The following ADAM23 variants were observed in gnomAD, a reference collection of about 807,000 sequenced individuals.
ADAM23 encodes the protein ADAM metallopeptidase domain 23, also known as disintegrin and metalloproteinase domain-containing protein 23.
ADAM23 carries 33 observed loss-of-function variants against 120.1 expected under a neutral mutation model. The ratio of observed to expected loss-of-function variants is 0.27; its 90% confidence interval spans 0.21 to 0.37. ADAM23 has a LOEUF of 0.37. Among genes scored for constraint, ADAM23 ranks in the 10% least tolerant of loss-of-function variants. The probability of loss-of-function intolerance (pLI) is 1.00; values close to 1 mark genes in which losing one functional copy is unlikely to be tolerated. For missense variants in ADAM23, 862 were observed against 1,058.2 expected, an observed-to-expected ratio of 0.81 and a Z score of 2.57; for synonymous variants, 367 against 375.2, an observed-to-expected ratio of 0.98 and a Z score of 0.25.
chr2:206,513,897 A>G (rs563816775), intron 3 of ADAM23, among the ~76,000 whole-genome samples: 1 of 152,326 alleles, frequency 6.6e-6, no homozygotes, highest in African/African-American at 2.4e-5. Flanking sequence ...CATAAATGGA[A>G]CAACAAAGCC....
chr2:206,601,090 C>T (rs1698632475), intron 24 of ADAM23, among the ~76,000 whole-genome samples: 2 of 152,176 alleles, frequency 1.3e-5, no homozygotes, highest in Non-Finnish European at 2.9e-5. Flanking sequence ...CAGGGAGACC[C>T]ACATCAAGTA....
chr2:206,549,655 G>A (rs1697472314), intron 8 of ADAM23, among the ~76,000 whole-genome samples: 1 of 151,792 alleles, frequency 6.6e-6, no homozygotes, highest in Non-Finnish European at 1.5e-5. Context: ...AGATATATCT[G>A]GAAGTAATTA....
In ADAM23 at chr2:206,619,052, C is replaced by T. The variant is rs1470356918; in HGVS notation, c.*1425C>T. On this transcript the variant is annotated 3_prime_UTR_variant, in exon 26 of 26. Transcript: ENST00000264377. ...ATTTCATCCATGCTCATTTTCCTGC[C>T]TCAAAATATATATGGTAGAACCCTA... The T allele has an allele frequency of 6.6e-6, 1 of 152,062 alleles. No individual in the cohort carries two copies. Among genetic ancestry groups the T allele is most frequent in the Non-Finnish European group, 1.5e-5 (1 of 68,020 alleles). 9.4% of individuals were successfully genotyped at this position (152,062 alleles called of 1,614,324 possible).
intron 3 of ADAM23, among the ~76,000 whole-genome samples, chr2:206,485,924 G>A (rs1696003298): frequency 6.6e-6 from 1 of 152,220 alleles, no homozygotes; most frequent in African/African-American, 2.4e-5. Context: ...ACACGTTGCT[G>A]GAAGGCTGAG....
At chr2:206,454,648 C>T (rs1438563485) in intron 2 of ADAM23, among the ~76,000 whole-genome samples, 2 of 152,180 alleles carry the variant, frequency 1.3e-5, no homozygotes, top group African/African-American at 4.8e-5. Flanking sequence ...AAATAAAAAA[C>T]AAGTTAGTTA....
At chr2:206,567,777 G>A (rs1697918675) in intron 15 of ADAM23, among the ~76,000 whole-genome samples, 1 of 152,040 alleles carries the variant, frequency 6.6e-6, no homozygotes, top group Non-Finnish European at 1.5e-5. Context: ...CCTCAGACTG[G>A]GTAATTTATA....
At chr2:206,616,904 G>A (rs934237099) in intron 25 of ADAM23, among the ~76,000 whole-genome samples, 1 of 152,124 alleles carries the variant, frequency 6.6e-6, no homozygotes, top group African/African-American at 2.4e-5. Flanking sequence ...TGGACACTGT[G>A]AGCAAAGCAT....
chr2:206,594,602 AGAG>A (rs1698485323), intron 22 of ADAM23, 132 bp from the exon 23 acceptor site: 2 of 893,434 alleles, frequency 2.2e-6, no homozygotes, highest in Non-Finnish European at 1.7e-6. Context: ...GGGAAGAAGA[AGAG>A]GAGTAAGAAA....
At chr2:206,497,691 T>G (rs1301969329) in intron 3 of ADAM23, among the ~76,000 whole-genome samples, 2 of 152,120 alleles carry the variant, frequency 1.3e-5, no homozygotes, top group African/African-American at 4.8e-5. Flanking sequence ...GGCATTCAAT[T>G]AGGAATAGAG....
At position 206,445,354 on chromosome 2, in the gene ADAM23, G is replaced by T. The variant is rs750983163; in HGVS notation, c.262G>T (p.Asp88Tyr). The T allele has an allele frequency of 1.9e-6, 3 of 1,613,978 alleles. No homozygotes were observed. In the African/African-American group the frequency reaches 4.0e-5, roughly 22 times the overall value. The part of the protein sequence containing the change: ...TAEKNLGVLA[D>Y]EDNTLQQNSS... ...AGAAAAAAATTTGGGAGTCCTGGCA[G>T]ATGAAGACAATACATTGCAACAGAA... Residue 88 changes from aspartate (D) to tyrosine (Y), a missense_variant, in exon 2 of 26, where the codon GAT becomes TAT. Physicochemically the swap from Asp to Tyr is radical, Grantham distance 160. Around this residue, in one of 4 missense-constraint regions of ADAM23, gnomAD observed 225 missense variants for 204.0 expected, o/e 1.10. Coordinates refer to ENST00000264377, the MANE Select transcript of ADAM23 (RefSeq NM_003812.4).
chr2:206,566,434 C>T (rs1265737931), intron 14 of ADAM23, among the ~76,000 whole-genome samples: 6 of 151,786 alleles, frequency 4.0e-5, no homozygotes, highest in African/African-American at 1.2e-4. Flanking sequence ...GTTATAATCA[C>T]GCACTGTATT....
intron 2 of ADAM23, among the ~76,000 whole-genome samples, chr2:206,460,491 C>T (rs1022764419): frequency 4.6e-5 from 7 of 152,018 alleles, no homozygotes; most frequent in Non-Finnish European, 8.8e-5. Flanking sequence ...TGATGTTGAA[C>T]ATCTTTTCAT....
At position 206,592,553 on chromosome 2, in the gene ADAM23, C is replaced by A. The variant is rs114737372; in HGVS notation, c.1959-64C>A. On this transcript the variant is annotated intron_variant, in intron 21 of 25. Coordinates refer to ENST00000264377, the MANE Select transcript of ADAM23 (RefSeq NM_003812.4). ...AAATTTGAATCAATGTGGACCGAAT[C>A]GTTTTGATTTTTTGAGCTTGATTCC... 4.5e-6 allele frequency: 7 copies of A among 1,562,550 alleles called. No individual in the cohort carries two copies. The Admixed American group carries it at 7.3e-5, about 16-fold the overall frequency.
intron 3 of ADAM23, among the ~76,000 whole-genome samples, chr2:206,515,880 CT>C (rs1043506524): frequency 7.2e-5 from 11 of 151,930 alleles, no homozygotes; most frequent in African/African-American, 2.7e-4. Flanking sequence ...ATTCCAGAGG[CT>C]TTTTCCTGGG....
chr2:206,595,310 G>T (rs1043568405), intron 23 of ADAM23, among the ~76,000 whole-genome samples: 2 of 152,176 alleles, frequency 1.3e-5, no homozygotes, highest in Non-Finnish European at 2.9e-5. Flanking sequence ...GGAGATAAGG[G>T]TTTAAACACT....
rs892943202 is a variant in ADAM23, at chr2:206,619,883, T to C, written c.*2256T>C. On this transcript the variant is annotated 3_prime_UTR_variant, in exon 26 of 26. Transcript: ENST00000264377. Reference sequence around the variant, plus strand: ...CGTTTATTTTGTAATAACAGGGCTATCTACAAGGCCTCTCAGCCTTACTCC... The same window carrying C: ...CGTTTATTTTGTAATAACAGGGCTACCTACAAGGCCTCTCAGCCTTACTCC... 6.6e-6 allele frequency: 1 copy of C among 152,212 alleles called. No individual in the cohort carries two copies. The highest frequency in any genetic ancestry group is 1.5e-5 in the Non-Finnish European group (1 of 68,046). 9.4% of individuals were successfully genotyped at this position (152,212 alleles called of 1,614,324 possible). A position where few individuals can be genotyped will look rare whatever the true frequency, so the allele number is the denominator to read the frequency against.
intron 2 of ADAM23, among the ~76,000 whole-genome samples, chr2:206,452,869 T>C (rs1443497045): frequency 6.6e-6 from 1 of 152,176 alleles, no homozygotes; most frequent in African/African-American, 2.4e-5. Context: ...AGTCTTGACG[T>C]GTCTCCCATG....
chr2:206,449,484 C>T (rs530790205), intron 2 of ADAM23, among the ~76,000 whole-genome samples: 1 of 152,236 alleles, frequency 6.6e-6, no homozygotes, highest in South Asian at 2.1e-4. Flanking sequence ...AACTACTTGT[C>T]CTGCTGGGCG....
intron 3 of ADAM23, among the ~76,000 whole-genome samples, chr2:206,507,094 A>G (rs567208656): frequency 4.8e-4 from 73 of 152,356 alleles, no homozygotes; most frequent in African/African-American, 1.6e-3. Context: ...ATAGTGAGAT[A>G]TAAATGCAGG....
Sources: gnomAD v4.1 joint callset for allele counts (sites outside exome capture counted in the v4.1 genomes callset) on GRCh38, gnomAD v4.1.1 for gene constraint, gnomAD v4.1.1 regional missense constraint, MANE v1.5 for transcripts, NCBI Gene and HGNC (gene_info 2026-07-23, HGNC 2026-07-21) for gene names.